The following ZMIZ1 variants were observed in gnomAD, a reference collection of about 807,000 sequenced individuals.
The protein encoded by ZMIZ1 is zinc finger MIZ domain-containing protein 1.
In ZMIZ1, 17 loss-of-function variants were observed where a neutral mutation model predicts 113.9. The ratio of observed to expected loss-of-function variants is 0.15; its 90% CI spans 0.10 to 0.22. ZMIZ1 has a LOEUF of 0.22. Among genes scored for constraint, ZMIZ1 ranks in the 10% least tolerant of loss-of-function variants. The pLI is 1.00. For missense variants in ZMIZ1, 1,059 were observed against 1,477.8 expected (o/e 0.72, Z 4.65); for synonymous variants, 607 against 603.1 (o/e 1.01, Z -0.09).
intron 1 of ZMIZ1, among the ~76,000 whole-genome samples, chr10:79,088,377 T>C (rs1381654476): frequency 6.6e-6 from 1 of 152,190 alleles, no homozygotes; most frequent in Non-Finnish European, 1.5e-5. Flanking sequence ...GCACTGCCTG[T>C]GCACCAGGCG....
At chr10:79,190,286 G>A (rs1847543486) in intron 4 of ZMIZ1, among the ~76,000 whole-genome samples, 1 of 152,222 alleles carries the variant, frequency 6.6e-6, no homozygotes, top group Non-Finnish European at 1.5e-5. Context: ...CATCAGCAGG[G>A]GTGGACTGGA....
chr10:79,072,952 C>T (rs1344231713), intron 1 of ZMIZ1, among the ~76,000 whole-genome samples: 4 of 152,168 alleles, frequency 2.6e-5, no homozygotes, highest in African/African-American at 7.2e-5. Flanking sequence ...AGGCAGCAAT[C>T]CACCTGGCTG....
chr10:79,273,209 A>G (rs1039519733), intron 7 of ZMIZ1, among the ~76,000 whole-genome samples: 2 of 152,212 alleles, frequency 1.3e-5, no homozygotes, highest in Non-Finnish European at 2.9e-5. Context: ...GTACTGCCAT[A>G]GCTGTACTGT....
At chr10:79,195,531 A>AGC (rs1216402922) in intron 4 of ZMIZ1, among the ~76,000 whole-genome samples, 1 of 136,440 alleles carries the variant, frequency 7.3e-6, no homozygotes, top group Non-Finnish European at 1.6e-5. Context: ...GAGGATTTGT[A>AGC]GCGACTTGTA....
At chr10:79,144,828 G>A (rs1422796108) in intron 3 of ZMIZ1, among the ~76,000 whole-genome samples, 3 of 152,054 alleles carry the variant, frequency 2.0e-5, no homozygotes, top group African/African-American at 7.2e-5. Flanking sequence ...GTCATCTCCT[G>A]TTAGGTATTC....
intron 2 of ZMIZ1, among the ~76,000 whole-genome samples, chr10:79,127,432 G>A (rs567272731): frequency 5.9e-5 from 9 of 152,178 alleles, no homozygotes; most frequent in Non-Finnish European, 1.3e-4. Context: ...CCCGTCAGAT[G>A]GCCCAGGTTC....
rs1366931750 is a variant in ZMIZ1 at position 79,118,350 on chromosome 10, A to G, written c.-336-565A>G. 1.3e-5 allele frequency among the ~76,000 whole-genome samples: 2 copies of G among 152,208 alleles called. No individual in the cohort carries two copies. Among genetic ancestry groups the G allele is most frequent in the African/African-American group, 4.8e-5 (2 of 41,448 alleles). ...GTCCTTGTTAACCAGTTCAGAGGAC[A>G]GAGAGAAACTAGACTTCACTCCCAA... On this transcript the variant is annotated intron_variant, in intron 1 of 24. Coordinates refer to ENST00000334512, the MANE Select transcript of ZMIZ1 (RefSeq NM_020338.4). This position sits in a 1 kb window ranked among gnomAD's most constrained non-coding sequence, Gnocchi z 4.1.
intron 24 of ZMIZ1, 78 bp downstream of exon 24, chr10:79,311,262 G>C: frequency 6.7e-7 from 1 of 1,495,460 alleles, no homozygotes; most frequent in Non-Finnish European, 8.9e-7. Flanking sequence ...GGGTGGGTGT[G>C]AGGGCTCGAG....
chr10:79,236,007 A>T (rs1375476540), intron 7 of ZMIZ1, among the ~76,000 whole-genome samples: 1 of 152,228 alleles, frequency 6.6e-6, no homozygotes, highest in African/African-American at 2.4e-5. Context: ...GAGGGAAACA[A>T]GGGCCTCTTT....
chr10:79,123,794 A>G (rs1480181470), intron 2 of ZMIZ1, among the ~76,000 whole-genome samples: 1 of 152,198 alleles, frequency 6.6e-6, no homozygotes, highest in African/African-American at 2.4e-5. Context: ...CCAGGGTTAC[A>G]TAGGCGGTTT....
chr10:79,083,683 C>T (rs747908049), intron 1 of ZMIZ1, among the ~76,000 whole-genome samples: 4 of 152,154 alleles, frequency 2.6e-5, no homozygotes, highest in Non-Finnish European at 2.9e-5. Context: ...AGGATGCTGG[C>T]GGCTTGGACC....
rs368469542 is a variant in ZMIZ1, at chr10:79,292,375, C to G, written c.957+19C>G. On this transcript the variant is annotated intron_variant, in intron 11 of 24. Transcript: ENST00000334512. Reference sequence around the variant, plus strand: ...TGGACCGGTAAGGGTTCCCACTAATCCTGGTCCAGCCTTGCCCAGCCAGCC... The same window carrying G: ...TGGACCGGTAAGGGTTCCCACTAATGCTGGTCCAGCCTTGCCCAGCCAGCC... The G allele has an allele frequency of 6.7e-5, 106 of 1,591,498 alleles. No homozygotes were observed. The highest frequency in any genetic ancestry group is 2.4e-4 in the Admixed American group (14 of 59,294).
chr10:79,208,216 A>G, intron 5 of ZMIZ1, 120 bp from the exon 6 acceptor site: 1 of 749,806 alleles, frequency 1.3e-6, no homozygotes, highest in Non-Finnish European at 2.3e-6. Flanking sequence ...CTACCCCTTT[A>G]CCCCTTTCTG....
rs1001817793 is a variant in ZMIZ1, at chr10:79,300,888, C to T, written c.1965C>T (p.His655=). The T allele has an allele frequency of 1.4e-5, 23 of 1,612,960 alleles. No homozygotes were observed. The highest frequency in any genetic ancestry group is 2.2e-5 in the East Asian group (1 of 44,886). Residue 655 remains histidine, a synonymous_variant, in exon 17 of 25, where the codon CAC becomes CAT. Transcript: ENST00000334512. ...CCCACAAGCCCCTGCACCTGAAGCA[C>T]GTGTGCCAGCCGGGCCGCAACACCA... ...KTSHKPLHLK[H]VCQPGRNTIQ... is the part of the protein sequence containing the mutation.
At chr10:79,160,052 T>C (rs1201922193) in intron 3 of ZMIZ1, among the ~76,000 whole-genome samples, 1 of 152,232 alleles carries the variant, frequency 6.6e-6, no homozygotes, top group Non-Finnish European at 1.5e-5. Flanking sequence ...TGTCAGCGGC[T>C]CTGCTGGCCA....
intron 1 of ZMIZ1, among the ~76,000 whole-genome samples, chr10:79,102,226 G>A (rs920675230): frequency 3.9e-5 from 6 of 152,258 alleles, no homozygotes; most frequent in African/African-American, 1.4e-4. Context: ...TGGAGCAGAA[G>A]GCGTGCAGTG....
At chr10:79,085,839 C>T (rs955511319) in intron 1 of ZMIZ1, among the ~76,000 whole-genome samples, 5 of 152,182 alleles carry the variant, frequency 3.3e-5, no homozygotes, top group Admixed American at 1.3e-4. Context: ...GCCATCACAA[C>T]GTGCCTTTCC....
intron 5 of ZMIZ1, among the ~76,000 whole-genome samples, chr10:79,202,189 G>GAAAAAAAAAAAAAAAAAAA (rs58021590): frequency 1.9e-5 from 1 of 52,636 alleles, no homozygotes; most frequent in Non-Finnish European, 3.8e-5. Flanking sequence ...CCCTGTCTCA[G>GAAAAAAAAAAAAAAAAAAA]AAAAAAAAAA....
intron 4 of ZMIZ1, among the ~76,000 whole-genome samples, chr10:79,166,501 A>G (rs1386347404): frequency 3.3e-5 from 5 of 152,160 alleles, no homozygotes; most frequent in African/African-American, 1.2e-4. Context: ...CTCCTGGCTC[A>G]GGAGTGCAGG....
Sources: allele counts gnomAD v4.1 joint callset (sites outside exome capture counted in the v4.1 genomes callset), GRCh38; gene constraint gnomAD v4.1.1; non-coding constraint Gnocchi (gnomAD v3.1); transcripts MANE v1.5; gene names NCBI Gene and HGNC (gene_info 2026-07-23, HGNC 2026-07-21).